SPATA16: variants seen among roughly 807,000 people sequenced by gnomAD.
SPATA16 encodes the protein spermatogenesis associated 16.
In SPATA16, 36 loss-of-function variants were observed where a neutral mutation model predicts 63.3. That is an observed-to-expected ratio of 0.57 (90% CI 0.44 to 0.75). The LOEUF is 0.75. SPATA16 is among the 30% of genes least tolerant of loss of function. The pLI is 0.00. For synonymous variants in SPATA16, 203 were observed against 216.7 expected (o/e 0.94, Z 0.56); for missense variants, 646 against 679.3 (o/e 0.95, Z 0.54).
chr3:172,889,761 G>A (rs571368047), intron 10 of SPATA16, 69 bp from the exon 11 acceptor site: 17 of 1,582,834 alleles, frequency 1.1e-5, no homozygotes, highest in African/African-American at 2.7e-5. Flanking sequence ...TTATAAAAAC[G>A]GTGAGGTATT....
intron 5 of SPATA16, among the ~76,000 whole-genome samples, chr3:172,966,351 C>T (rs1733920018): frequency 6.6e-6 from 1 of 152,140 alleles, no homozygotes; most frequent in Non-Finnish European, 1.5e-5. Flanking sequence ...TGAAGGCTTG[C>T]CAGCTAAATA....
rs139727497 is a variant in SPATA16 at position 172,998,409 on chromosome 3, C to T, written c.848+21077G>A. On this transcript the variant is annotated intron_variant, in intron 4 of 10. Transcript: ENST00000351008. ...ATTGGTGTATCCTGCAATCATGGTACAATCATTTATGAGTTTCAGGAGTTT... is the reference window on the plus strand; with the variant it reads ...ATTGGTGTATCCTGCAATCATGGTATAATCATTTATGAGTTTCAGGAGTTT... Among the ~76,000 whole-genome samples, 299 of 152,218 alleles carry T rather than the reference C, an allele frequency of 2.0e-3. 2 individuals are homozygous for T. Among genetic ancestry groups the T allele is most frequent in the African/African-American group, 6.6e-3 (274 of 41,552 alleles).
At chr3:172,971,276 C>T (rs146236230) in intron 5 of SPATA16, among the ~76,000 whole-genome samples, 154 of 152,296 alleles carry the variant, frequency 1.0e-3, no homozygotes, top group African/African-American at 3.4e-3. Flanking sequence ...GGAACACATG[C>T]GCACATACCT....
chr3:173,121,134 C>G (rs1032685937), intron 1 of SPATA16, among the ~76,000 whole-genome samples: 1 of 151,622 alleles, frequency 6.6e-6, no homozygotes, highest in African/African-American at 2.4e-5. Flanking sequence ...GCTGAAAAAG[C>G]ATGGCCAAAT....
In SPATA16 at chr3:172,998,685, A is replaced by G. The variant is rs777953333; in HGVS notation, c.848+20801T>C. ...AATGTTAGCTGTAGGTTTTTTGTAG[A>G]CTTTTTTTAAAAAATGAAGTTTGGG... On this transcript the variant is annotated intron_variant, in intron 4 of 10. Transcript: ENST00000351008. 1.8e-4 allele frequency among the ~76,000 whole-genome samples: 28 copies of G among 152,128 alleles called. 1 individual carries two copies. The highest frequency in any genetic ancestry group is 3.7e-4 in the Non-Finnish European group (25 of 67,958).
intron 4 of SPATA16, among the ~76,000 whole-genome samples, chr3:172,997,700 A>G (rs1430488293): frequency 6.6e-6 from 1 of 152,026 alleles, no homozygotes; most frequent in East Asian, 1.9e-4. Flanking sequence ...ATTTTGTCCT[A>G]TGTTATCTCC....
intron 4 of SPATA16, among the ~76,000 whole-genome samples, chr3:172,990,471 C>T (rs1734549788): frequency 6.6e-6 from 1 of 152,154 alleles, no homozygotes; most frequent in African/African-American, 2.4e-5. Flanking sequence ...AACTATAATA[C>T]ATAAACTAGT....
At chr3:172,912,812 C>G (rs1199348870) in intron 10 of SPATA16, among the ~76,000 whole-genome samples, 1 of 152,086 alleles carries the variant, frequency 6.6e-6, no homozygotes, top group Non-Finnish European at 1.5e-5. Context: ...GAGCCAAAAG[C>G]TAATTGTAGA....
At chr3:172,975,681 A>C (rs1374053060) in intron 5 of SPATA16, among the ~76,000 whole-genome samples, 1 of 152,150 alleles carries the variant, frequency 6.6e-6, no homozygotes, top group African/African-American at 2.4e-5. Context: ...TTTTGGGTTT[A>C]AAGGTTTGTC....
chr3:172,914,785 A>G (rs1732442367), intron 9 of SPATA16, among the ~76,000 whole-genome samples: 1 of 152,104 alleles, frequency 6.6e-6, no homozygotes, highest in Non-Finnish European at 1.5e-5. Context: ...TTCATTTTAT[A>G]GGGTTTCAAA....
At chr3:172,938,123 C>T (rs1018219956) in intron 6 of SPATA16, among the ~76,000 whole-genome samples, 3 of 152,218 alleles carry the variant, frequency 2.0e-5, no homozygotes, top group South Asian at 2.1e-4. Context: ...TAAATTGGTG[C>T]CCCATGTAAC....
intron 3 of SPATA16, among the ~76,000 whole-genome samples, chr3:173,044,207 A>G (rs9290459): frequency 0.032 from 4,824 of 152,184 alleles, 247 homozygotes; most frequent in African/African-American, 0.11. Flanking sequence ...TGAGACTTCA[A>G]TTACATGTAT....
In SPATA16 at chr3:173,048,911, A is replaced by G. The variant is rs774807138; in HGVS notation, c.758+38T>C. ...TCAGATAGTACCCTCCACTAGCATG[A>G]ACAGCATTTACTTGCACTTATTAGT... On this transcript the variant is annotated intron_variant, in intron 3 of 10. Coordinates refer to ENST00000351008, the MANE Select transcript of SPATA16 (RefSeq NM_031955.6). 4.3e-6 allele frequency: 7 copies of G among 1,612,606 alleles called. No individual in the cohort carries two copies. The South Asian group carries it at 7.7e-5, about 18-fold the overall frequency.
At chr3:173,116,799 G>A (rs892999789) in intron 2 of SPATA16, among the ~76,000 whole-genome samples, 1 of 152,026 alleles carries the variant, frequency 6.6e-6, no homozygotes, top group African/African-American at 2.4e-5. Context: ...AAAACTTTAC[G>A]GCTTTTATAG....
chr3:173,092,143 T>C (rs768280926), intron 2 of SPATA16, among the ~76,000 whole-genome samples: 1 of 152,156 alleles, frequency 6.6e-6, no homozygotes, highest in Non-Finnish European at 1.5e-5. Flanking sequence ...CTCATACTGC[T>C]TGTGGTGCCA....
intron 2 of SPATA16, among the ~76,000 whole-genome samples, chr3:173,077,703 A>G (rs561614845): frequency 6.6e-6 from 1 of 152,318 alleles, no homozygotes; most frequent in South Asian, 2.1e-4. Context: ...TCACCAACTA[A>G]TACCCTTATA....
intron 2 of SPATA16, among the ~76,000 whole-genome samples, chr3:173,053,861 T>C (rs1736154982): frequency 6.6e-6 from 1 of 152,064 alleles, no homozygotes; most frequent in African/African-American, 2.4e-5. Context: ...TTTTTGGAAA[T>C]TATAAAAAAA....
intron 2 of SPATA16, among the ~76,000 whole-genome samples, chr3:173,058,010 A>G (rs1166117751): frequency 6.6e-6 from 1 of 152,186 alleles, no homozygotes. Context: ...CAGAAATTAT[A>G]AAGAAAAGAC....
rs556576607 is a variant in SPATA16 at position 172,898,626 on chromosome 3, T to A, written c.1588-8934A>T. 4.7e-3 allele frequency among the ~76,000 whole-genome samples: 500 copies of A among 106,640 alleles called. 4 individuals carry two copies. Among genetic ancestry groups the A allele is most frequent in the African/African-American group, 0.021 (466 of 22,136 alleles). The allele number at this position is 106,640 out of a possible 152,430, so 70.0% of individuals were successfully genotyped here. ...TTTTTATTTGTTAGTCTTGCTAGATTTTTTTTTTTTAATTTTACTAACCTG... is the reference window on the plus strand; with the variant it reads ...TTTTTATTTGTTAGTCTTGCTAGATATTTTTTTTTTAATTTTACTAACCTG... On this transcript the variant is annotated intron_variant, in intron 10 of 10. Coordinates refer to ENST00000351008, the MANE Select transcript of SPATA16 (RefSeq NM_031955.6).
Sources: gnomAD v4.1 joint callset for allele counts (sites outside exome capture counted in the v4.1 genomes callset) on GRCh38, gnomAD v4.1.1 for gene constraint, MANE v1.5 for transcripts, NCBI Gene and HGNC (gene_info 2026-07-23, HGNC 2026-07-21) for gene names.